TNNI3K: variants seen among roughly 807,000 people sequenced by gnomAD.
The protein encoded by TNNI3K is TNNI3 interacting kinase, also known as serine/threonine-protein kinase TNNI3K.
Under a neutral mutation model 114.5 loss-of-function variants are expected in TNNI3K, and 140 were observed. The observed-to-expected ratio is 1.22, with a 90% CI of 1.07 to 1.41. The LOEUF (loss-of-function observed/expected upper bound fraction) is 1.41, where lower values mean the gene tolerates loss of function less well. Ranked by LOEUF, TNNI3K falls within the 40% of genes most tolerant of loss-of-function variation. The pLI is 0.00. For synonymous variants in TNNI3K, 347 were observed against 347.5 expected, an observed-to-expected ratio of 1.00 and a Z score of 0.02; for missense variants, 1,125 against 1,007.6, an observed-to-expected ratio of 1.12 and a Z score of -1.58.
chr1:74,431,811 T>G (rs920175826), intron 17 of TNNI3K, among the ~76,000 whole-genome samples: 1 of 152,146 alleles, frequency 6.6e-6, no homozygotes. Flanking sequence ...CTTCTGAACT[T>G]AAGCCTCACT....
chr1:74,299,955 A>G (rs1051395003), intron 5 of TNNI3K, among the ~76,000 whole-genome samples: 2 of 152,218 alleles, frequency 1.3e-5, no homozygotes, highest in Non-Finnish European at 2.9e-5. Flanking sequence ...TGGCATATTC[A>G]TTAAAATTTC....
At chr1:74,512,353 G>A (rs1218611464) in intron 23 of TNNI3K, among the ~76,000 whole-genome samples, 1 of 152,086 alleles carries the variant, frequency 6.6e-6, no homozygotes, top group Non-Finnish European at 1.5e-5. Context: ...AACACTGCAG[G>A]GTGGCTCATG....
At chr1:74,417,319 A>AT (rs1223394564) in intron 17 of TNNI3K, among the ~76,000 whole-genome samples, 8 of 152,048 alleles carry the variant, frequency 5.3e-5, no homozygotes, top group African/African-American at 1.7e-4. Context: ...GGTACCCTTC[A>AT]TGCTGCTTCC....
chr1:74,543,760 T>A lies in TNNI3K; in HGVS notation c.2432-146T>A, dbSNP rs75641450. On this transcript the variant is annotated intron_variant, in intron 24 of 24. Coordinates refer to ENST00000326637, the MANE Select transcript of TNNI3K (RefSeq NM_015978.3). ...CTGTTTTCATTGTAAATGTTGCTTG[T>A]GCTTTGCAACTACTCACCAGCAACC... The A allele has an allele frequency of 1.6e-3, 1,272 of 807,662 alleles. 9 individuals carry two copies. The African/African-American group carries it at 0.02, about 13-fold the overall frequency. The allele number at this position is 807,662 out of a possible 1,614,324, so 50.0% of individuals were successfully genotyped here. A position where few individuals can be genotyped will look rare whatever the true frequency, so the allele number is the denominator to read the frequency against.
chr1:74,312,913 T>G (rs941422618), intron 5 of TNNI3K, among the ~76,000 whole-genome samples: 1 of 152,202 alleles, frequency 6.6e-6, no homozygotes, highest in African/African-American at 2.4e-5. Context: ...TTTTTAAATC[T>G]TTGCCTTCCT....
chr1:74,518,338 G>A (rs1035826054), intron 23 of TNNI3K, among the ~76,000 whole-genome samples: 1 of 152,042 alleles, frequency 6.6e-6, no homozygotes, highest in Non-Finnish European at 1.5e-5. Context: ...TTTCCACATA[G>A]CCTCTTACTG....
chr1:74,320,671 A>G (rs183469074), intron 5 of TNNI3K, among the ~76,000 whole-genome samples: 1 of 152,292 alleles, frequency 6.6e-6, no homozygotes, highest in African/African-American at 2.4e-5. Flanking sequence ...ATACTCATTA[A>G]CCAATGACAT....
rs45565935 is a variant in TNNI3K, at chr1:74,506,940, C to T, written c.2351+14674C>T. 4.7e-3 allele frequency among the ~76,000 whole-genome samples: 714 copies of T among 152,198 alleles called. 4 individuals carry two copies. Among genetic ancestry groups the T allele is most frequent in the Non-Finnish European group, 6.0e-3 (410 of 68,020 alleles). On this transcript the variant is annotated intron_variant, in intron 23 of 24. Coordinates refer to ENST00000326637, the MANE Select transcript of TNNI3K (RefSeq NM_015978.3). ...CCACTTTCTACTTGGTATCATGTCT[C>T]TGTTGAATAAGTTTCTTGAGGGGGA...
rs150167913 is a variant in TNNI3K at position 74,461,219 on chromosome 1, G to A, written c.2012-2222G>A. Among the ~76,000 whole-genome samples, 180 of 152,192 alleles carry A rather than the reference G, an allele frequency of 1.2e-3. 7 individuals are homozygous for A. In the East Asian group the frequency reaches 0.032, roughly 27 times the overall value. On this transcript the variant is annotated intron_variant, in intron 20 of 24. Coordinates refer to ENST00000326637, the MANE Select transcript of TNNI3K (RefSeq NM_015978.3). ...AGAGTGGCCCAGCATGGTGCCTCAC[G>A]CCTGTAATCCCAGCACTTTGGGAGG...
chr1:74,336,605 G>GT (rs900622273), intron 7 of TNNI3K, among the ~76,000 whole-genome samples: 3 of 150,668 alleles, frequency 2.0e-5, no homozygotes, highest in Non-Finnish European at 4.4e-5. Flanking sequence ...GTGGTGTTTG[G>GT]TTTTTTGTTC....
intron 17 of TNNI3K, chr1:74,402,065 G>A (rs1664391203): frequency 5.1e-6 from 1 of 196,256 alleles, no homozygotes; most frequent in South Asian, 8.6e-5. Flanking sequence ...GAGTTTTTTA[G>A]TTTATTTCTT....
chr1:74,499,858 T>A (rs2100335981), intron 23 of TNNI3K, among the ~76,000 whole-genome samples: 1 of 152,280 alleles, frequency 6.6e-6, no homozygotes, highest in East Asian at 1.9e-4. Context: ...ATGGGGTTCT[T>A]ATATACCTTT....
intron 20 of TNNI3K, among the ~76,000 whole-genome samples, chr1:74,446,658 G>A (rs1032425702): frequency 6.7e-6 from 1 of 149,782 alleles, no homozygotes; most frequent in Non-Finnish European, 1.5e-5. Context: ...TTCTTCTAGG[G>A]TTTTTATGGT....
chr1:74,472,839 T>C (rs1208970090), intron 21 of TNNI3K, among the ~76,000 whole-genome samples: 1 of 152,124 alleles, frequency 6.6e-6, no homozygotes, highest in African/African-American at 2.4e-5. Context: ...CAGATTAATA[T>C]AATATTTAAT....
rs763279460 is a variant in TNNI3K, at chr1:74,257,661, C to CCTTTTTT, written c.333+6892_333+6893insCTTTTTT. On this transcript the variant is annotated intron_variant, in intron 4 of 24. Transcript: ENST00000326637. The stretch of plus-strand genomic sequence containing the variant: ...GTTTGAACTTAGCCTCTTGGCTTAC[C>CCTTTTTT]TCTTTTTTTTTTTTTTTTTTTTTTT... Among the ~76,000 whole-genome samples the CCTTTTTT allele has an allele frequency of 2.2e-4, 17 of 78,598 alleles. 2 individuals carry two copies. Among genetic ancestry groups the CCTTTTTT allele is most frequent in the Admixed American group, 4.5e-4 (3 of 6,728 alleles). The allele number at this position is 78,598 out of a possible 152,430, so 51.6% of individuals were successfully genotyped here.
intron 17 of TNNI3K, among the ~76,000 whole-genome samples, chr1:74,420,238 A>T (rs1483982182): frequency 6.6e-6 from 1 of 152,184 alleles, no homozygotes; most frequent in African/African-American, 2.4e-5. Context: ...ACTGCAAATA[A>T]ATCATTTGCT....
intron 4 of TNNI3K, among the ~76,000 whole-genome samples, chr1:74,259,151 C>A (rs1655516140): frequency 6.6e-6 from 1 of 152,102 alleles, no homozygotes; most frequent in Admixed American, 6.5e-5. Context: ...TCTATCTAAT[C>A]TAGAGACATA....
intron 5 of TNNI3K, among the ~76,000 whole-genome samples, chr1:74,316,392 T>G (rs1322461110): frequency 6.6e-6 from 1 of 152,198 alleles, no homozygotes; most frequent in Non-Finnish European, 1.5e-5. Context: ...CTTCCCATAT[T>G]ATTCAGAACA....
intron 21 of TNNI3K, among the ~76,000 whole-genome samples, chr1:74,488,290 A>G (rs1411654782): frequency 1.3e-5 from 2 of 152,110 alleles, no homozygotes; most frequent in African/African-American, 2.4e-5. Flanking sequence ...CCACCAACCT[A>G]GAGATACAAG....
Sources: gnomAD v4.1 joint callset for allele counts (sites outside exome capture counted in the v4.1 genomes callset) on GRCh38, gnomAD v4.1.1 for gene constraint, MANE v1.5 for transcripts, NCBI Gene and HGNC (gene_info 2026-07-23, HGNC 2026-07-21) for gene names.